Variants in FAM186B observed in about 807,000 individuals in gnomAD.
FAM186B encodes protein FAM186B.
FAM186B carries 68 observed loss-of-function variants against 83.4 expected under a neutral mutation model. That is an observed-to-expected ratio of 0.81 (90% CI 0.67 to 1.00). The LOEUF (loss-of-function observed/expected upper bound fraction) is 1.00, where lower values mean the gene tolerates loss of function less well. Ranked by LOEUF, FAM186B falls within the 50% of genes least tolerant of loss-of-function variation. The pLI, the probability that FAM186B is intolerant of heterozygous loss-of-function variation, is 0.00. For synonymous variants in FAM186B, 389 were observed against 422.0 expected, an observed-to-expected ratio of 0.92 and a Z score of 0.96; for missense variants, 983 against 1,099.2, an observed-to-expected ratio of 0.89 and a Z score of 1.49.
upstream of FAM186B, among the ~76,000 whole-genome samples, chr12:49,610,457 T>G (rs577690060): frequency 1.3e-5 from 2 of 152,204 alleles, no homozygotes; most frequent in East Asian, 3.9e-4. Flanking sequence ...AATGAAGGAA[T>G]AGATAAACAT....
chr12:49,622,052 G>T, the FAM186B span, among the ~76,000 whole-genome samples: 1 of 152,234 alleles, frequency 6.6e-6, no homozygotes, highest in Non-Finnish European at 1.5e-5. Flanking sequence ...AAATAAAAAT[G>T]CAATTCATGA....
chr12:49,596,383 A>C (rs1939727135), intron 5 of FAM186B, among the ~76,000 whole-genome samples: 1 of 151,896 alleles, frequency 6.6e-6, no homozygotes, highest in Non-Finnish European at 1.5e-5. Flanking sequence ...TATCCAAAAA[A>C]GACATAGGTA....
At chr12:49,591,846 C>T (rs911737398) in intron 5 of FAM186B, among the ~76,000 whole-genome samples, 1 of 152,054 alleles carries the variant, frequency 6.6e-6, no homozygotes, top group African/African-American at 2.4e-5. Context: ...CTCTAGATTA[C>T]TTATAATACC....
At chr12:49,586,816 G>A (rs1044801293), downstream of FAM186B, among the ~76,000 whole-genome samples, 2 of 152,230 alleles carry the variant, frequency 1.3e-5, no homozygotes, top group Non-Finnish European at 2.9e-5. Context: ...CAGAGCGCAG[G>A]TGCGGCCAGG....
At chr12:49,585,723 A>T (rs549975547), downstream of FAM186B, among the ~76,000 whole-genome samples, 28 of 152,226 alleles carry the variant, frequency 1.8e-4, no homozygotes, top group African/African-American at 6.7e-4. Flanking sequence ...TGGCCAGGGG[A>T]GCCGGTGAGG....
upstream of FAM186B, among the ~76,000 whole-genome samples, chr12:49,609,860 T>C (rs974721593): frequency 1.3e-5 from 2 of 152,212 alleles, no homozygotes; most frequent in African/African-American, 4.8e-5. Flanking sequence ...CTCCTGGGAC[T>C]GAGCAGGGAG....
chr12:49,617,725 G>C, the FAM186B span, among the ~76,000 whole-genome samples: 2 of 151,272 alleles, frequency 1.3e-5, no homozygotes, highest in Non-Finnish European at 2.9e-5. Context: ...AAAGTTTCTG[G>C]GTAAAAAATG....
the FAM186B span, chr12:49,619,543 T>C: frequency 8.5e-6 from 6 of 704,088 alleles, no homozygotes; most frequent in South Asian, 8.7e-5. Flanking sequence ...AAGGCTTTGT[T>C]GAAGGAGCAA....
chr12:49,610,686 A>G, the FAM186B span, among the ~76,000 whole-genome samples: 1 of 151,216 alleles, frequency 6.6e-6, no homozygotes, highest in Admixed American at 6.6e-5. Flanking sequence ...GCTACTCAGG[A>G]GGCTGAGGCA....
chr12:49,620,271 A>C, the FAM186B span, among the ~76,000 whole-genome samples: 3 of 152,226 alleles, frequency 2.0e-5, no homozygotes, highest in Admixed American at 2.0e-4. Context: ...TTTGCTGCAG[A>C]ATCTTGCATG....
In FAM186B at chr12:49,600,722, G is replaced by T. The variant is rs1273755584; in HGVS notation, c.918C>A (p.Asp306Glu). ...CCAAGGCCTGCTTCATCAGGAGAAG[G>T]TCATGGTACCTTCCCCCTAAGATCT... ...QVEILGGRYH[D>E]LLLMKQALEF... The change falls in exon 4 of 7, where the codon GAC (aspartate) becomes GAA (glutamate). Residue 306 changes from aspartate (D) to glutamate (E), a missense_variant. By Grantham distance (45) the Asp-to-Glu change is conservative. Transcript: ENST00000257894. The surrounding 1 kb of genome is among the most constrained non-coding windows in gnomAD (Gnocchi z 4.3). 1 of 1,614,172 alleles carries T rather than the reference G, an allele frequency of 6.2e-7. No homozygotes were observed. The highest frequency in any genetic ancestry group is 2.2e-5 in the East Asian group (1 of 44,878).
intron 5 of FAM186B, among the ~76,000 whole-genome samples, chr12:49,589,309 T>G (rs572712454): frequency 6.6e-6 from 1 of 152,096 alleles, no homozygotes; most frequent in Non-Finnish European, 1.5e-5. Flanking sequence ...ACTCACAACT[T>G]TGGGCTCCTC....
Position 49,601,000 on chromosome 12 carries a change from A to T in FAM186B, c.640T>A (p.Ser214Thr). ...GAGTCCAGGAGCTCCTGCAGCATGG[A>T]CGTCACCTCCGAGGCCTTCGTGTTC... The part of the protein sequence containing the change: ...TMNTKASEVT[S>T]MLQELLDSTM... Residue 214 changes from serine to threonine, a missense_variant, in exon 4 of 7, where the codon TCC (serine) becomes ACC (threonine). By Grantham distance (58) the Ser-to-Thr change is moderately conservative. Transcript: ENST00000257894. This position sits in a 1 kb window ranked among gnomAD's most constrained non-coding sequence, Gnocchi z 4.3. 3 of 1,613,952 alleles carry T rather than the reference A, an allele frequency of 1.9e-6. No homozygotes were observed. Among genetic ancestry groups the T allele is most frequent in the Non-Finnish European group, 2.5e-6 (3 of 1,179,994 alleles).
chr12:49,585,395 A>G (rs1012707988), downstream of FAM186B, among the ~76,000 whole-genome samples: 2 of 152,158 alleles, frequency 1.3e-5, no homozygotes, highest in Non-Finnish European at 2.9e-5. Flanking sequence ...CAAGGCTAAG[A>G]TTGTCCAGCT....
At chr12:49,595,447 A>C (rs1276471486) in intron 5 of FAM186B, 1 of 494,302 alleles carries the variant, frequency 2.0e-6, no homozygotes, top group Non-Finnish European at 4.0e-6. Flanking sequence ...TGCAGGTCCT[A>C]CTGCTCTGAT....
downstream of FAM186B, among the ~76,000 whole-genome samples, chr12:49,585,018 T>C (rs1939410306): frequency 6.6e-6 from 1 of 151,866 alleles, no homozygotes; most frequent in African/African-American, 2.4e-5. Flanking sequence ...GGTTTTTTGT[T>C]TCGTTTTGTT....
At chr12:49,605,723 T>G, upstream of FAM186B, 1 of 384,920 alleles carries the variant, frequency 2.6e-6, no homozygotes. Flanking sequence ...TTTTGTCCAT[T>G]ACCTAACATA....
At chr12:49,614,530 G>A in the FAM186B span, among the ~76,000 whole-genome samples, 1 of 152,166 alleles carries the variant, frequency 6.6e-6, no homozygotes, top group African/African-American at 2.4e-5. Flanking sequence ...TAAACATTGG[G>A]TACTTATGGC....
chr12:49,598,908 C>T lies in FAM186B; in HGVS notation c.2211G>A (p.Thr737=), dbSNP rs555752465. ...AINHVQIMKE[T]EASYKAQNLY... ...GGTTCTGGGCCTTGTAGGAAGCCTC[C>T]GTTTCTTTCATGATTTGTACATGGT... Residue 737 remains threonine, a synonymous_variant, in exon 5 of 7, where the codon ACG becomes ACA. Coordinates refer to ENST00000257894, the MANE Select transcript of FAM186B (RefSeq NM_032130.3). 3.3e-5 allele frequency: 54 copies of T among 1,613,588 alleles called. No individual in the cohort carries two copies. Among genetic ancestry groups the T allele is most frequent in the East Asian group, 6.7e-5 (3 of 44,826 alleles).
Sources: gnomAD v4.1 joint callset for allele counts (sites outside exome capture counted in the v4.1 genomes callset) on GRCh38, gnomAD v4.1.1 for gene constraint, Gnocchi (gnomAD v3.1) non-coding constraint, MANE v1.5 for transcripts, NCBI Gene and HGNC (gene_info 2026-07-23, HGNC 2026-07-21) for gene names.